Variants in NCAM2 observed in about 807,000 individuals in gnomAD.
NCAM2 encodes neural cell adhesion molecule 2.
A neutral mutation model predicts 98.1 loss-of-function variants in NCAM2; 30 were observed. That is an observed-to-expected ratio of 0.31 (90% CI 0.23 to 0.41). The LOEUF (loss-of-function observed/expected upper bound fraction) is 0.41. Among genes scored for constraint, NCAM2 ranks in the 10% least tolerant of loss-of-function variants. NCAM2 has a pLI of 1.00. For missense variants in NCAM2, 867 were observed against 1,005.8 expected, an observed-to-expected ratio of 0.86 and a Z score of 1.87; for synonymous variants, 368 against 342.4, an observed-to-expected ratio of 1.07 and a Z score of -0.83.
intron 1 of NCAM2, among the ~76,000 whole-genome samples, chr21:21,089,911 T>A (rs2065978115): frequency 6.6e-6 from 1 of 152,144 alleles, no homozygotes; most frequent in Non-Finnish European, 1.5e-5. Context: ...CAAGAGACCA[T>A]ATCGTAAAAG....
chr21:21,376,196 A>G (rs1225257236), intron 9 of NCAM2, among the ~76,000 whole-genome samples: 1 of 151,866 alleles, frequency 6.6e-6, no homozygotes, highest in Non-Finnish European at 1.5e-5. Context: ...GCGTATCCAC[A>G]TTCTCCAGAG....
chr21:21,328,195 T>C (rs577107074), intron 6 of NCAM2, among the ~76,000 whole-genome samples: 2 of 152,300 alleles, frequency 1.3e-5, no homozygotes, highest in Admixed American at 6.5e-5. Context: ...CATCATAAAA[T>C]CATAGCTCAA....
intron 15 of NCAM2, among the ~76,000 whole-genome samples, chr21:21,479,445 GT>G (rs1206667924): frequency 1.3e-5 from 2 of 151,486 alleles, no homozygotes; most frequent in Non-Finnish European, 2.9e-5. Context: ...TTAGCCGGGC[GT>G]GGTGGTGGAC....
intron 16 of NCAM2, among the ~76,000 whole-genome samples, chr21:21,528,574 A>C (rs1989453026): frequency 2.0e-5 from 3 of 152,350 alleles, no homozygotes; most frequent in Admixed American, 6.5e-5. Context: ...GCTGGGCATC[A>C]TAGCAGAATG....
At chr21:21,072,353 A>C (rs1392326267) in intron 1 of NCAM2, among the ~76,000 whole-genome samples, 1 of 152,180 alleles carries the variant, frequency 6.6e-6, no homozygotes, top group Non-Finnish European at 1.5e-5. Context: ...GGTTGCCTCT[A>C]AAATGTTTCT....
chr21:21,520,929 G>A (rs1193058854), intron 16 of NCAM2, among the ~76,000 whole-genome samples: 1 of 152,094 alleles, frequency 6.6e-6, no homozygotes, highest in African/African-American at 2.4e-5. Flanking sequence ...TTACCTTCAG[G>A]AGCTTAACCT....
chr21:21,269,941 G>C (rs941402251), intron 1 of NCAM2, among the ~76,000 whole-genome samples: 3 of 152,100 alleles, frequency 2.0e-5, no homozygotes, highest in African/African-American at 7.2e-5. Flanking sequence ...TGACAGATAT[G>C]TTTGATTTCT....
chr21:21,218,358 G>T (rs2069994423), intron 1 of NCAM2, among the ~76,000 whole-genome samples: 2 of 152,082 alleles, frequency 1.3e-5, no homozygotes, highest in Admixed American at 1.3e-4. Context: ...AGAAAGCTCT[G>T]TTGGTGTTCA....
chr21:21,433,113 G>A (rs1440419189), intron 12 of NCAM2, among the ~76,000 whole-genome samples: 1 of 152,102 alleles, frequency 6.6e-6, no homozygotes, highest in Non-Finnish European at 1.5e-5. Context: ...AATCATCCTG[G>A]TCTCATCTGT....
At chr21:21,348,172 T>G (rs2075239505) in intron 8 of NCAM2, among the ~76,000 whole-genome samples, 1 of 152,080 alleles carries the variant, frequency 6.6e-6, no homozygotes, top group African/African-American at 2.4e-5. Context: ...GAAGTCAAAT[T>G]ATCCTTGTTT....
chr21:21,466,221 A>G (rs952174810), intron 12 of NCAM2, among the ~76,000 whole-genome samples: 5 of 152,046 alleles, frequency 3.3e-5, no homozygotes, highest in Non-Finnish European at 1.5e-5. Context: ...TCTATTAAAT[A>G]CTATAGAAAT....
intron 16 of NCAM2, among the ~76,000 whole-genome samples, chr21:21,530,481 A>C (rs959746529): frequency 2.7e-5 from 4 of 150,650 alleles, no homozygotes; most frequent in African/African-American, 7.3e-5. Flanking sequence ...CATAAGCATT[A>C]ATATTTTTTT....
rs188084819 is a variant in NCAM2, at chr21:21,179,943, T to G, written c.56-100635T>G. ...TATTTCTCATAATTCTGTTGGTTGA[T>G]TGAAAATTCTCTTTCATTGTCAACT... On this transcript the variant is annotated intron_variant, in intron 1 of 17. Coordinates refer to ENST00000400546, the MANE Select transcript of NCAM2 (RefSeq NM_004540.5). Among the ~76,000 whole-genome samples the G allele has an allele frequency of 3.0e-3, 450 of 152,348 alleles. 3 individuals carry two copies. The highest frequency in any genetic ancestry group is 3.6e-3 in the Non-Finnish European group (244 of 68,026).
chr21:21,211,289 G>C (rs1348725843), intron 1 of NCAM2, among the ~76,000 whole-genome samples: 1 of 151,986 alleles, frequency 6.6e-6, no homozygotes, highest in African/African-American at 2.4e-5. Context: ...ATTTTTACTA[G>C]GAGAAACAAA....
chr21:21,224,054 G>A (rs1201193148), intron 1 of NCAM2, among the ~76,000 whole-genome samples: 1 of 152,096 alleles, frequency 6.6e-6, no homozygotes, highest in Non-Finnish European at 1.5e-5. Flanking sequence ...AGCTCAGAAA[G>A]TACTTTTCTT....
intron 12 of NCAM2, among the ~76,000 whole-genome samples, chr21:21,461,679 A>G (rs964160530): frequency 9.9e-5 from 15 of 151,826 alleles, no homozygotes; most frequent in African/African-American, 3.6e-4. Flanking sequence ...AGGTAAAAGT[A>G]TGATTCATAA....
chr21:21,080,979 C>T (rs756620660), intron 1 of NCAM2, among the ~76,000 whole-genome samples: 7 of 152,148 alleles, frequency 4.6e-5, no homozygotes, highest in South Asian at 2.1e-4. Flanking sequence ...GCCAAGCAGG[C>T]GACTTGAGAG....
At chr21:21,305,072 C>G (rs1317551028) in intron 5 of NCAM2, among the ~76,000 whole-genome samples, 1 of 152,130 alleles carries the variant, frequency 6.6e-6, no homozygotes, top group African/African-American at 2.4e-5. Context: ...AATCCCAGCA[C>G]TTTGGAAGGC....
chr21:21,428,404 A>C (rs916129019), intron 11 of NCAM2, among the ~76,000 whole-genome samples: 1 of 152,198 alleles, frequency 6.6e-6, no homozygotes, highest in African/African-American at 2.4e-5. Context: ...CCTGAACATG[A>C]GGCTGAAAAG....
Sources: gnomAD v4.1 joint callset for allele counts (sites outside exome capture counted in the v4.1 genomes callset) on GRCh38, gnomAD v4.1.1 for gene constraint, MANE v1.5 for transcripts, NCBI Gene and HGNC (gene_info 2026-07-23, HGNC 2026-07-21) for gene names.